The following DYTN variants were observed in gnomAD, a reference collection of about 807,000 sequenced individuals.
The protein encoded by DYTN is dystrotelin.
Under a neutral mutation model 69.6 loss-of-function variants are expected in DYTN, and 75 were observed. That is an observed-to-expected ratio of 1.08 (90% CI 0.89 to 1.31). The LOEUF (loss-of-function observed/expected upper bound fraction) is 1.31. Among genes scored for constraint, DYTN ranks in the 50% most tolerant of loss-of-function variants. The pLI, the probability that DYTN is intolerant of heterozygous loss-of-function variation, is 0.00. For missense variants in DYTN, 726 were observed against 688.4 expected (o/e 1.05, Z -0.61); for synonymous variants, 252 against 249.1 (o/e 1.01, Z -0.11).
At chr2:206,707,610 G>C (rs1420351715) in intron 2 of DYTN, 107 bp from the exon 3 acceptor site, 1 of 1,127,732 alleles carries the variant, frequency 8.9e-7, no homozygotes, top group African/African-American at 1.6e-5. Flanking sequence ...TTTTATGGTC[G>C]CTATTTTCTT....
intron 2 of DYTN, among the ~76,000 whole-genome samples, chr2:206,709,986 T>C (rs551451486): frequency 6.6e-6 from 1 of 152,150 alleles, no homozygotes; most frequent in Non-Finnish European, 1.5e-5. Flanking sequence ...CAGATATAAA[T>C]TTACTGCAAA....
intron 9 of DYTN, among the ~76,000 whole-genome samples, chr2:206,668,946 C>T (rs1699603299): frequency 6.6e-6 from 1 of 152,188 alleles, no homozygotes; most frequent in African/African-American, 2.4e-5. Context: ...TTCTCCTTTG[C>T]CTTCCACCAT....
chr2:206,664,567 G>A (rs745502786), intron 10 of DYTN, among the ~76,000 whole-genome samples: 4 of 152,048 alleles, frequency 2.6e-5, no homozygotes, highest in Admixed American at 6.6e-5. Context: ...AGGTTGAGGC[G>A]GGAGGATTGC....
In DYTN at chr2:206,700,190, A is replaced by C. The variant is rs1489985884; in HGVS notation, c.510T>G (p.Arg170=). The C allele has an allele frequency of 6.2e-7, 1 of 1,613,946 alleles. No homozygotes were observed. The highest frequency in any genetic ancestry group is 1.7e-5 in the Admixed American group (1 of 60,014). The change falls in exon 6 of 12, where the codon CGT becomes CGG. Residue 170 remains arginine (R), a synonymous_variant. Transcript: ENST00000452335. The stretch of plus-strand genomic sequence containing the variant: ...TGGCACTTTCCACAGGGCACAGAGC[A>C]CGACTCTCTCCCACGAAAGTTGGGA... The part of the protein sequence containing the change: ...QQIPTFVGES[R]ALCPVESATR...
chr2:206,682,702 T>A (rs367978419), intron 9 of DYTN, among the ~76,000 whole-genome samples: 28 of 152,258 alleles, frequency 1.8e-4, no homozygotes, highest in African/African-American at 6.5e-4. Flanking sequence ...GTTCCAGCTA[T>A]GAATAGTCAA....
intron 2 of DYTN, among the ~76,000 whole-genome samples, chr2:206,708,199 TCTC>T (rs1379550208): frequency 6.6e-6 from 1 of 152,146 alleles, no homozygotes; most frequent in Non-Finnish European, 1.5e-5. Context: ...TTAACCACCT[TCTC>T]CTAAAATTTT....
At chr2:206,697,108 G>A (rs911527094) in intron 7 of DYTN, among the ~76,000 whole-genome samples, 8 of 152,158 alleles carry the variant, frequency 5.3e-5, no homozygotes, top group African/African-American at 1.4e-4. Context: ...CATCCATGCT[G>A]GCTGCTTTAT....
At chr2:206,656,785 G>A (rs953488167) in intron 11 of DYTN, among the ~76,000 whole-genome samples, 29 of 145,208 alleles carry the variant, frequency 2.0e-4, no homozygotes, top group African/African-American at 6.1e-4. Context: ...TTTTTGAGAC[G>A]GAGTTTCACT....
intron 11 of DYTN, among the ~76,000 whole-genome samples, chr2:206,657,583 A>G (rs1401961638): frequency 4.6e-5 from 7 of 152,160 alleles, no homozygotes; most frequent in African/African-American, 1.7e-4. Flanking sequence ...TTTTCATTTT[A>G]TAGTATTTTG....
At chr2:206,657,571 T>G (rs1699464275) in intron 11 of DYTN, among the ~76,000 whole-genome samples, 1 of 152,242 alleles carries the variant, frequency 6.6e-6, no homozygotes, top group African/African-American at 2.4e-5. Context: ...TAAATACCAC[T>G]ATTTTCATTT....
At chr2:206,678,452 A>G (rs572796137) in intron 9 of DYTN, among the ~76,000 whole-genome samples, 1 of 152,368 alleles carries the variant, frequency 6.6e-6, no homozygotes, top group Admixed American at 6.5e-5. Context: ...TTAGAAATGT[A>G]TCCTAAGGAA....
intron 9 of DYTN, among the ~76,000 whole-genome samples, chr2:206,667,930 G>C (rs1397740917): frequency 6.6e-6 from 1 of 152,086 alleles, no homozygotes; most frequent in East Asian, 1.9e-4. Flanking sequence ...TAGAGCTTGG[G>C]GAGGTCTTGA....
intron 9 of DYTN, 136 bp downstream of exon 9, chr2:206,693,039 C>A: frequency 3.9e-6 from 5 of 1,281,668 alleles, no homozygotes; most frequent in Non-Finnish European, 5.1e-6. Flanking sequence ...AAAAAAATAT[C>A]TGAAGTCCAA....
At chr2:206,683,194 C>G (rs1296933749) in intron 9 of DYTN, among the ~76,000 whole-genome samples, 3 of 152,124 alleles carry the variant, frequency 2.0e-5, no homozygotes, top group Non-Finnish European at 4.4e-5. Context: ...AGTCTATTCT[C>G]AACATAGCAA....
chr2:206,701,570 T>C (rs1699977702), intron 5 of DYTN, among the ~76,000 whole-genome samples: 1 of 152,158 alleles, frequency 6.6e-6, no homozygotes, highest in Admixed American at 6.5e-5. Flanking sequence ...CGCACTTACA[T>C]GTGGAATCTA....
intron 3 of DYTN, 132 bp downstream of exon 3, chr2:206,707,170 T>G (rs949188892): frequency 1.6e-5 from 18 of 1,122,706 alleles, no homozygotes; most frequent in African/African-American, 3.2e-5. Flanking sequence ...AGGAATAAAT[T>G]TGTGAAAAAC....
Position 206,705,007 on chromosome 2 carries a change from G to T in DYTN, c.383-64C>A. Reference sequence around the variant, plus strand: ...TGCAATGTATCTTTGAAGAGTACTTGCTTTGAAGTAACAGTCTCTTTGTGG... The same window carrying T: ...TGCAATGTATCTTTGAAGAGTACTTTCTTTGAAGTAACAGTCTCTTTGTGG... On this transcript the variant is annotated intron_variant, in intron 4 of 11. Transcript: ENST00000452335. The T allele has an allele frequency of 4.6e-6, 6 of 1,307,572 alleles. 1 individual carries two copies. The highest frequency in any genetic ancestry group is 6.5e-6 in the Non-Finnish European group (6 of 917,698). The allele number at this position is 1,307,572 out of a possible 1,614,324, so 81.0% of individuals were successfully genotyped here. A position where few individuals can be genotyped will look rare whatever the true frequency, so the allele number is the denominator to read the frequency against.
chr2:206,705,001 G>A (rs1700011974), intron 4 of DYTN, 58 bp from the exon 5 acceptor site: 4 of 1,376,616 alleles, frequency 2.9e-6, no homozygotes, highest in East Asian at 2.4e-5. Context: ...TCTTTGAAGA[G>A]TACTTGCTTT....
At chr2:206,654,909 G>A (rs972387475) in intron 11 of DYTN, among the ~76,000 whole-genome samples, 1 of 152,122 alleles carries the variant, frequency 6.6e-6, no homozygotes, top group African/African-American at 2.4e-5. Flanking sequence ...TAAGATCATG[G>A]CATATGCAAA....
Sources: allele counts gnomAD v4.1 joint callset (sites outside exome capture counted in the v4.1 genomes callset), GRCh38; gene constraint gnomAD v4.1.1; transcripts MANE v1.5; gene names NCBI Gene and HGNC (gene_info 2026-07-23, HGNC 2026-07-21).